Variants in GALNT14 observed in about 807,000 individuals in gnomAD.
The protein encoded by GALNT14 is UDP-GalNAc:polypeptide N-acetylgalactosaminyltransferase 14.
GALNT14 carries 60 observed loss-of-function variants against 77.5 expected under a neutral mutation model. The ratio of observed to expected loss-of-function variants is 0.77; its 90% CI spans 0.63 to 0.96. GALNT14 has a LOEUF of 0.96. GALNT14 is among the 40% of genes least tolerant of loss of function. The probability of loss-of-function intolerance (pLI) is 0.00; values close to 1 mark genes in which losing one functional copy is unlikely to be tolerated. For synonymous variants in GALNT14, 280 were observed against 281.7 expected (o/e 0.99, Z 0.06); for missense variants, 710 against 731.0 (o/e 0.97, Z 0.33).
At chr2:31,083,491 A>C (rs2148587295) in intron 1 of GALNT14, among the ~76,000 whole-genome samples, 1 of 152,268 alleles carries the variant, frequency 6.6e-6, no homozygotes. Flanking sequence ...AGGGAAGAGG[A>C]GGAGGGTGAG....
chr2:30,992,294 C>A (rs545298473), intron 2 of GALNT14, among the ~76,000 whole-genome samples: 37 of 152,176 alleles, frequency 2.4e-4, no homozygotes, highest in Non-Finnish European at 4.9e-4. Context: ...TAAAGGCTGG[C>A]AGGATGGAGC....
At chr2:30,945,552 G>A (rs1323501438) in intron 7 of GALNT14, among the ~76,000 whole-genome samples, 1 of 152,216 alleles carries the variant, frequency 6.6e-6, no homozygotes, top group African/African-American at 2.4e-5. Flanking sequence ...AATGGGGTGA[G>A]CCCTATCTTA....
rs536072715 is a variant in GALNT14 at position 31,048,591 on chromosome 2, C to A, written c.130-55584G>T. 4.6e-5 allele frequency among the ~76,000 whole-genome samples: 6 copies of A among 131,610 alleles called. No homozygotes were observed. The South Asian group carries it at 1.3e-3, about 29-fold the overall frequency. The allele number at this position is 131,610 out of a possible 152,430, so 86.3% of individuals were successfully genotyped here. On this transcript the variant is annotated intron_variant, in intron 1 of 14. Transcript: ENST00000349752. ...ACCAGGCCCTGGGACTGCCTCCCCACCCCCACTCCTGCCTCCCCTGCCTCC... is the reference window on the plus strand; with the variant it reads ...ACCAGGCCCTGGGACTGCCTCCCCAACCCCACTCCTGCCTCCCCTGCCTCC...
At chr2:31,015,400 A>G (rs1671291730) in intron 1 of GALNT14, among the ~76,000 whole-genome samples, 1 of 152,132 alleles carries the variant, frequency 6.6e-6, no homozygotes, top group South Asian at 2.1e-4. Flanking sequence ...CACTCCTGAC[A>G]GGAGAATTGC....
chr2:30,936,666 T>C (rs13394272), intron 9 of GALNT14, among the ~76,000 whole-genome samples: 48,188 of 151,938 alleles, frequency 0.32, 9,692 homozygotes, highest in African/African-American at 0.56. Context: ...AGAAAGCAAG[T>C]TCTGTTATTA....
intron 1 of GALNT14, among the ~76,000 whole-genome samples, chr2:31,001,330 G>T (rs1398689326): frequency 6.6e-6 from 1 of 152,154 alleles, no homozygotes; most frequent in East Asian, 1.9e-4. Flanking sequence ...AAGGAGTGAA[G>T]CCAGGAAAAA....
chr2:31,030,251 T>C (rs1213859038), intron 1 of GALNT14, among the ~76,000 whole-genome samples: 2 of 151,992 alleles, frequency 1.3e-5, no homozygotes, highest in African/African-American at 4.8e-5. Context: ...TAACTGCCAG[T>C]GTAAGAAATG....
intron 1 of GALNT14, among the ~76,000 whole-genome samples, chr2:31,137,335 C>T (rs1356591362): frequency 6.6e-6 from 1 of 152,210 alleles, no homozygotes; most frequent in African/African-American, 2.4e-5. Flanking sequence ...TTCCCATTTC[C>T]TCAACTCCCC....
intron 1 of GALNT14, among the ~76,000 whole-genome samples, chr2:30,995,062 G>C (rs975738091): frequency 6.9e-6 from 1 of 144,440 alleles, no homozygotes; most frequent in Non-Finnish European, 1.5e-5. Context: ...GGGAAAATAA[G>C]TATGTAGCAA....
At chr2:30,909,624 A>G (rs1222443631), downstream of GALNT14, among the ~76,000 whole-genome samples, 1 of 151,802 alleles carries the variant, frequency 6.6e-6, no homozygotes, top group Non-Finnish European at 1.5e-5. Flanking sequence ...ACTGTAAACT[A>G]GTTCAACTAT....
At chr2:30,922,810 C>A (rs1665110999) in intron 13 of GALNT14, among the ~76,000 whole-genome samples, 1 of 152,234 alleles carries the variant, frequency 6.6e-6, no homozygotes, top group Admixed American at 6.5e-5. Context: ...CCTAGTCTTT[C>A]ATCTCTGCAT....
At chr2:31,031,977 G>A (rs768762186) in intron 1 of GALNT14, among the ~76,000 whole-genome samples, 77 of 152,298 alleles carry the variant, frequency 5.1e-4, no homozygotes, top group Non-Finnish European at 1.0e-3. Flanking sequence ...GGAACTTCTC[G>A]CGGCTGCCAC....
At chr2:30,928,645 C>G (rs1665532564) in intron 11 of GALNT14, among the ~76,000 whole-genome samples, 1 of 152,074 alleles carries the variant, frequency 6.6e-6, no homozygotes, top group Non-Finnish European at 1.5e-5. Context: ...GAGATGGGGT[C>G]TCGCTCTGTC....
intron 1 of GALNT14, among the ~76,000 whole-genome samples, chr2:31,018,274 G>A (rs7583735): frequency 0.5 from 75,500 of 152,200 alleles, 21,193 homozygotes; most frequent in African/African-American, 0.77. Context: ...CACTCTTGCT[G>A]AAGAGTTGTA....
At chr2:31,034,671 T>C (rs1432831200) in intron 1 of GALNT14, among the ~76,000 whole-genome samples, 1 of 152,222 alleles carries the variant, frequency 6.6e-6, no homozygotes, top group Non-Finnish European at 1.5e-5. Context: ...TTTCTTAAGG[T>C]AGAAATTTAG....
At chr2:31,030,662 G>C (rs1233974621) in intron 1 of GALNT14, among the ~76,000 whole-genome samples, 1 of 152,146 alleles carries the variant, frequency 6.6e-6, no homozygotes, top group Non-Finnish European at 1.5e-5. Flanking sequence ...TGACCTGCTG[G>C]AGCAACAATG....
At chr2:30,901,129 G>A in the GALNT14 span, among the ~76,000 whole-genome samples, 6 of 152,130 alleles carry the variant, frequency 3.9e-5, no homozygotes, top group African/African-American at 1.2e-4. Context: ...CTAGGACCCC[G>A]GCAGAGGCAA....
rs1243172909 is a variant in GALNT14, at chr2:31,087,441, T to C, written c.129+50517A>G. On this transcript the variant is annotated intron_variant, in intron 1 of 14. Coordinates refer to ENST00000349752, the MANE Select transcript of GALNT14 (RefSeq NM_024572.4). ...CCAAATTCTGAAAAGTTAGGGGATCTACTGAGGGGAGGGCAGGGGACAGGA... is the reference window on the plus strand; with the variant it reads ...CCAAATTCTGAAAAGTTAGGGGATCCACTGAGGGGAGGGCAGGGGACAGGA... 8.6e-5 allele frequency among the ~76,000 whole-genome samples: 6 copies of C among 69,962 alleles called. No homozygotes were observed. In the Admixed American group the frequency reaches 9.5e-4, roughly 11 times the overall value. The allele number at this position is 69,962 out of a possible 152,430, so 45.9% of individuals were successfully genotyped here.
chr2:31,008,879 A>C (rs1437385469), intron 1 of GALNT14, among the ~76,000 whole-genome samples: 1 of 152,178 alleles, frequency 6.6e-6, no homozygotes, highest in African/African-American at 2.4e-5. Context: ...GGCTCCCTGC[A>C]CGGGTGGCCG....
Sources: gnomAD v4.1 joint callset for allele counts (sites outside exome capture counted in the v4.1 genomes callset) on GRCh38, gnomAD v4.1.1 for gene constraint, MANE v1.5 for transcripts, NCBI Gene and HGNC (gene_info 2026-07-23, HGNC 2026-07-21) for gene names.